The following NKAIN2 variants were observed in gnomAD, a reference collection of about 807,000 sequenced individuals.
NKAIN2 encodes the protein sodium/potassium transporting ATPase interacting 2.
In NKAIN2, 14 loss-of-function variants were observed where a neutral mutation model predicts 32.6. The ratio of observed to expected loss-of-function variants is 0.43; its 90% CI spans 0.28 to 0.67. The LOEUF (loss-of-function observed/expected upper bound fraction) is 0.67. Among genes scored for constraint, NKAIN2 ranks in the 30% least tolerant of loss-of-function variants. The probability of loss-of-function intolerance (pLI) is 0.17; values close to 1 mark genes in which losing one functional copy is unlikely to be tolerated. For synonymous variants in NKAIN2, 80 were observed against 87.2 expected, an observed-to-expected ratio of 0.92 and a Z score of 0.46; for missense variants, 198 against 258.3, an observed-to-expected ratio of 0.77 and a Z score of 1.60.
intron 1 of NKAIN2, among the ~76,000 whole-genome samples, chr6:123,825,598 T>C (rs1774114355): frequency 6.6e-6 from 1 of 152,050 alleles, no homozygotes; most frequent in Admixed American, 6.6e-5. Flanking sequence ...ATCATTAGAG[T>C]ATTCAGGATG....
At chr6:124,030,258 A>G (rs1781349247) in intron 1 of NKAIN2, among the ~76,000 whole-genome samples, 1 of 152,142 alleles carries the variant, frequency 6.6e-6, no homozygotes, top group Non-Finnish European at 1.5e-5. Context: ...CAATACATGT[A>G]ATGCACTTGA....
At chr6:124,421,455 G>A (rs1435746544) in intron 3 of NKAIN2, among the ~76,000 whole-genome samples, 9 of 152,078 alleles carry the variant, frequency 5.9e-5, no homozygotes, top group Admixed American at 1.3e-4. Context: ...TACCATCCAC[G>A]CACAGCAGAA....
intron 1 of NKAIN2, among the ~76,000 whole-genome samples, chr6:124,225,859 A>G (rs1392377143): frequency 6.6e-6 from 1 of 152,074 alleles, no homozygotes; most frequent in Admixed American, 6.6e-5. Flanking sequence ...TTATGAAAAC[A>G]AAGCTCTTTT....
rs116411243 is a variant in NKAIN2 at position 124,600,926 on chromosome 6, C to A, written c.274-57260C>A. On this transcript the variant is annotated intron_variant, in intron 3 of 6. Transcript: ENST00000368417. ...AAGAAGACTTATCAGACAAAATGAT[C>A]TAGATAAAAGATCCCAAATGCCATT... Among the ~76,000 whole-genome samples the A allele has an allele frequency of 3.7e-3, 567 of 152,138 alleles. 4 individuals are homozygous for A. The highest frequency in any genetic ancestry group is 0.013 in the African/African-American group (541 of 41,524).
At chr6:124,678,865 A>C (rs949292956) in intron 4 of NKAIN2, among the ~76,000 whole-genome samples, 3 of 152,132 alleles carry the variant, frequency 2.0e-5, no homozygotes, top group African/African-American at 7.2e-5. Context: ...TAATCAACCC[A>C]CCTACAGACT....
chr6:124,734,453 A>G, intron 4 of NKAIN2, among the ~76,000 whole-genome samples: 1 of 137,170 alleles, frequency 7.3e-6, no homozygotes, highest in East Asian at 2.1e-4. Flanking sequence ...AAATCTTTAA[A>G]TGGTCCCTTA....
intron 3 of NKAIN2, among the ~76,000 whole-genome samples, chr6:124,560,835 A>G (rs766527815): frequency 8.5e-5 from 13 of 152,226 alleles, no homozygotes; most frequent in Non-Finnish European, 1.8e-4. Context: ...AACCTGAAAA[A>G]TGACCAAGAG....
chr6:123,819,111 A>G (rs1773817932), intron 1 of NKAIN2, among the ~76,000 whole-genome samples: 1 of 152,058 alleles, frequency 6.6e-6, no homozygotes, highest in Non-Finnish European at 1.5e-5. Flanking sequence ...AAGTGGGTTA[A>G]CTCAGAATAC....
chr6:124,305,829 C>T lies in NKAIN2; in HGVS notation c.192+22687C>T, dbSNP rs191614687. Among the ~76,000 whole-genome samples the T allele has an allele frequency of 7.2e-5, 11 of 152,256 alleles. No individual in the cohort carries two copies. The East Asian group carries it at 1.9e-3, about 27-fold the overall frequency. On this transcript the variant is annotated intron_variant, in intron 2 of 6. Coordinates refer to ENST00000368417, the MANE Select transcript of NKAIN2 (RefSeq NM_001040214.3). The stretch of plus-strand genomic sequence containing the variant: ...CATTGCCATTTTAGCAACCTCCTGG[C>T]CCTGCTGCTGCAAACCCATGTTCTG...
intron 1 of NKAIN2, among the ~76,000 whole-genome samples, chr6:124,176,716 G>A (rs1325379649): frequency 1.1e-5 from 1 of 92,402 alleles, no homozygotes; most frequent in Non-Finnish European, 3.2e-5. Context: ...AAAATTATAT[G>A]TCTGTGCTGC....
In NKAIN2 at chr6:123,956,483, G is replaced by A. The variant is rs902061607; in HGVS notation, c.54+152229G>A. On this transcript the variant is annotated intron_variant, in intron 1 of 6. Transcript: ENST00000368417. The stretch of plus-strand genomic sequence containing the variant: ...TAGAGGAATGGCTGTGTAAGGAGTA[G>A]CAAGTAGTCCCCTCTGCAAGCTGAG... Among the ~76,000 whole-genome samples, 3 of 152,298 alleles carry A rather than the reference G, an allele frequency of 2.0e-5. No homozygotes were observed. The East Asian group carries it at 5.8e-4, about 29-fold the overall frequency.
At chr6:123,831,961 G>T (rs1774404970) in intron 1 of NKAIN2, among the ~76,000 whole-genome samples, 1 of 152,132 alleles carries the variant, frequency 6.6e-6, no homozygotes, top group African/African-American at 2.4e-5. Context: ...GCCTATAGTT[G>T]TTGAGCCTGT....
At chr6:124,446,871 T>A (rs1233918709) in intron 3 of NKAIN2, among the ~76,000 whole-genome samples, 1 of 152,100 alleles carries the variant, frequency 6.6e-6, no homozygotes, top group African/African-American at 2.4e-5. Context: ...TCACAAGGTC[T>A]GGAGACATTT....
At chr6:124,803,935 G>C (rs555471924) in intron 5 of NKAIN2, among the ~76,000 whole-genome samples, 1 of 152,078 alleles carries the variant, frequency 6.6e-6, no homozygotes, top group African/African-American at 2.4e-5. Flanking sequence ...ATACCTCTAC[G>C]TATTACACAC....
intron 3 of NKAIN2, among the ~76,000 whole-genome samples, chr6:124,634,874 G>C (rs1359903752): frequency 6.6e-6 from 1 of 151,748 alleles, no homozygotes; most frequent in Non-Finnish European, 1.5e-5. Flanking sequence ...TCACATATAA[G>C]GGAATCCCCT....
At chr6:124,346,752 G>A (rs1013810904) in intron 2 of NKAIN2, among the ~76,000 whole-genome samples, 59 of 152,066 alleles carry the variant, frequency 3.9e-4, no homozygotes, top group African/African-American at 1.2e-3. Context: ...TGGGTTTCCT[G>A]AATACAGCAC....
intron 4 of NKAIN2, among the ~76,000 whole-genome samples, chr6:124,661,390 T>G (rs565183484): frequency 6.6e-6 from 1 of 152,306 alleles, no homozygotes; most frequent in South Asian, 2.1e-4. Flanking sequence ...TCCAAATCTC[T>G]CCAGCTCTTT....
intron 3 of NKAIN2, among the ~76,000 whole-genome samples, chr6:124,478,158 C>A (rs577342544): frequency 6.6e-6 from 1 of 152,188 alleles, no homozygotes; most frequent in South Asian, 2.1e-4. Flanking sequence ...AACTTTTTCT[C>A]TAAGGCCAAA....
intron 3 of NKAIN2, among the ~76,000 whole-genome samples, chr6:124,646,883 G>A (rs777126884): frequency 7.9e-5 from 12 of 151,914 alleles, no homozygotes; most frequent in South Asian, 2.1e-4. Flanking sequence ...GTTGGGAGGC[G>A]GAGGTTGTAG....
Sources: allele counts gnomAD v4.1 joint callset (sites outside exome capture counted in the v4.1 genomes callset), GRCh38; gene constraint gnomAD v4.1.1; transcripts MANE v1.5; gene names NCBI Gene and HGNC (gene_info 2026-07-23, HGNC 2026-07-21).